ARSF: variants seen among roughly 807,000 people sequenced by gnomAD.
The protein encoded by ARSF is arylsulfatase F.
Under a neutral mutation model 35.4 loss-of-function variants are expected in ARSF, and 33 were observed. The observed-to-expected ratio is 0.93, with a 90% CI of 0.71 to 1.25. The LOEUF is 1.25. Among genes scored for constraint, ARSF ranks in the 50% most tolerant of loss-of-function variants. The probability of loss-of-function intolerance (pLI) is 0.00; values close to 1 mark genes in which losing one functional copy is unlikely to be tolerated. For missense variants in ARSF, 501 were observed against 480.2 expected (o/e 1.04, Z -0.40); for synonymous variants, 222 against 193.1 (o/e 1.15, Z -1.24).
intron 1 of ARSF, among the ~76,000 whole-genome samples, chrX:3,051,748 T>C (rs1439580027): frequency 8.9e-6 from 1 of 111,819 alleles, no homozygotes; most frequent in African/African-American, 3.2e-5. Context: ...AATCATAGCA[T>C]TTTGAGAGCC....
intron 1 of ARSF, among the ~76,000 whole-genome samples, chrX:3,053,502 C>T (rs1281532722): frequency 3.7e-5 from 4 of 109,307 alleles, no homozygotes; most frequent in Non-Finnish European, 7.6e-5. Flanking sequence ...CTAATTACAA[C>T]TTAATTTTTA....
At chrX:3,053,667 T>C (rs144065133) in intron 1 of ARSF, among the ~76,000 whole-genome samples, 1,714 of 109,331 alleles carry the variant, frequency 0.016, 39 homozygotes, top group African/African-American at 0.053. Flanking sequence ...GTGGCATGAT[T>C]GCGGCTCACT....
At chrX:3,071,954 T>G in intron 2 of ARSF, 72 bp from the exon 3 acceptor site, 1 of 1,073,907 alleles carries the variant, frequency 9.3e-7, no homozygotes, top group Non-Finnish European at 1.3e-6. Context: ...CCCTGTTGTG[T>G]TGTGTTGGGA....
At chrX:3,082,368 G>T (rs767687565) in intron 5 of ARSF, among the ~76,000 whole-genome samples, 140 of 110,807 alleles carry the variant, frequency 1.3e-3, no homozygotes, top group Middle Eastern at 4.7e-3. Context: ...ATATCTCTAT[G>T]CATCTATCCA....
upstream of ARSF, chrX:3,041,466 T>A (rs1329978771): frequency 9.1e-6 from 1 of 109,884 alleles, no homozygotes; most frequent in Non-Finnish European, 1.9e-5. Flanking sequence ...AATTTTTGTA[T>A]TTTTAGTGGA....
chrX:3,084,567 A>G lies in ARSF; in HGVS notation c.731A>G (p.Asp244Gly). The G allele has an allele frequency of 8.3e-7, 1 of 1,211,519 alleles. No homozygotes were observed. The highest frequency in any genetic ancestry group is 1.1e-6 in the Non-Finnish European group (1 of 895,379). ...FSSHTSPLYWDCLLMRGHEIT... is the reference protein window; with the variant it reads ...FSSHTSPLYWGCLLMRGHEIT... ...AGCCACACGTCCCCTTTATACTGGG[A>G]CTGCCTCCTCATGCGGGGGCACGAG... Residue 244 changes from aspartate to glycine, a missense_variant, in exon 6 of 11, where the codon GAC becomes GGC. Coordinates refer to ENST00000381127, the MANE Select transcript of ARSF (RefSeq NM_001201539.2).
At chrX:3,074,008 C>T (rs889441075) in intron 3 of ARSF, among the ~76,000 whole-genome samples, 3 of 110,243 alleles carry the variant, frequency 2.7e-5, no homozygotes, top group Non-Finnish European at 5.7e-5. Flanking sequence ...GTACATCATA[C>T]ACTTTTAAGA....
rs1213318774 is a variant in ARSF, at chrX:3,065,255, G to A, written c.-28-2818G>A. On this transcript the variant is annotated intron_variant, in intron 1 of 10. Coordinates refer to ENST00000381127, the MANE Select transcript of ARSF (RefSeq NM_001201539.2). The stretch of plus-strand genomic sequence containing the variant: ...AACAATGAGAACACTTGGACACAGG[G>A]TGGGGGACATCACACACCGGGCCTG... Among the ~76,000 whole-genome samples the A allele has an allele frequency of 2.9e-5, 3 of 101,985 alleles. No individual in the cohort carries two copies. In the East Asian group the frequency reaches 9.2e-4, roughly 31 times the overall value. 88.6% of individuals were successfully genotyped at this position (101,985 alleles called of 115,157 possible). A position where few individuals can be genotyped will look rare whatever the true frequency, so the allele number is the denominator to read the frequency against.
chrX:3,074,842 C>T (rs987438152), intron 3 of ARSF, among the ~76,000 whole-genome samples: 1 of 111,095 alleles, frequency 9.0e-6, no homozygotes, highest in Non-Finnish European at 1.9e-5. Flanking sequence ...ATCCTTTAAC[C>T]TACCTGTTCT....
chrX:3,076,781 A>C, intron 4 of ARSF, 112 bp downstream of exon 4: 2 of 1,044,092 alleles, frequency 1.9e-6, no homozygotes, highest in Non-Finnish European at 2.6e-6. Context: ...ACGATGGCTC[A>C]CGCCTGTAAT....
chrX:3,104,381 G>A (rs2090399437), intron 9 of ARSF, among the ~76,000 whole-genome samples: 2 of 111,543 alleles, frequency 1.8e-5, no homozygotes, highest in South Asian at 7.5e-4. Context: ...CATTCATGTT[G>A]CTGCAAATGA....
chrX:3,040,643 T>A (rs895481366), upstream of ARSF, among the ~76,000 whole-genome samples: 27 of 111,008 alleles, frequency 2.4e-4, no homozygotes, highest in Admixed American at 4.8e-4. Flanking sequence ...TTGCTCCTCC[T>A]AGCCAAAAAC....
chrX:3,043,601 T>G (rs1387380305), intron 1 of ARSF, among the ~76,000 whole-genome samples: 1 of 111,377 alleles, frequency 9.0e-6, no homozygotes, highest in Non-Finnish European at 1.9e-5. Flanking sequence ...GCTTTCCCTC[T>G]TTTGAAAAGG....
rs755757270 is a variant in ARSF, at chrX:3,084,344, G to C, written c.508G>C (p.Val170Leu). Residue 170 changes from valine (V) to leucine (L), a missense_variant, in exon 6 of 11, where the codon GTT becomes CTT. Coordinates refer to ENST00000381127, the MANE Select transcript of ARSF (RefSeq NM_001201539.2). ...CTACTATGGCATGCCGTTCACTCTC[G>C]TTGACAGCTGCTGGCCGGACCCCTC... ...DYYYGMPFTL[V>L]DSCWPDPSRN... The C allele has an allele frequency of 3.3e-6, 4 of 1,211,655 alleles. No individual in the cohort carries two copies. The highest frequency in any genetic ancestry group is 4.5e-6 in the Non-Finnish European group (4 of 895,575).
chrX:3,110,295 G>A, intron 10 of ARSF, 43 bp downstream of exon 10: 1 of 1,106,846 alleles, frequency 9.0e-7, no homozygotes, highest in Non-Finnish European at 1.2e-6. Flanking sequence ...GCCAGGAGCA[G>A]GGTCACTCAG....
chrX:3,063,016 G>A (rs2090048424), intron 1 of ARSF, among the ~76,000 whole-genome samples: 2 of 111,791 alleles, frequency 1.8e-5, no homozygotes, highest in African/African-American at 6.5e-5. Context: ...GAGAATTTTA[G>A]ATCAATATCC....
At chrX:3,053,105 A>G (rs1603464012) in intron 1 of ARSF, among the ~76,000 whole-genome samples, 1 of 111,031 alleles carries the variant, frequency 9.0e-6, no homozygotes, top group African/African-American at 3.3e-5. Flanking sequence ...ACATTGTGAG[A>G]AAGCTCCCAA....
At chrX:3,088,175 C>A (rs1351170830) in intron 6 of ARSF, among the ~76,000 whole-genome samples, 3 of 111,466 alleles carry the variant, frequency 2.7e-5, no homozygotes, top group African/African-American at 9.8e-5. Context: ...AAATGGCTTG[C>A]CAAGGCATTC....
intron 6 of ARSF, among the ~76,000 whole-genome samples, chrX:3,086,952 T>C (rs1271529676): frequency 8.9e-6 from 1 of 112,133 alleles, no homozygotes; most frequent in Non-Finnish European, 1.9e-5. Flanking sequence ...TAGTTACTTC[T>C]AGGGGTTCTA....
Sources: allele counts gnomAD v4.1 joint callset (sites outside exome capture counted in the v4.1 genomes callset), GRCh38; gene constraint gnomAD v4.1.1; transcripts MANE v1.5; gene names NCBI Gene and HGNC (gene_info 2026-07-23, HGNC 2026-07-21).